LDB2: variants seen among roughly 807,000 people sequenced by gnomAD.
LDB2 encodes LIM domain-binding protein 2.
In LDB2, 12 loss-of-function variants were observed where a neutral mutation model predicts 44.3. That is an observed-to-expected ratio of 0.27 (90% CI 0.17 to 0.44). The LOEUF is 0.44. Among genes scored for constraint, LDB2 ranks in the 20% least tolerant of loss-of-function variants. The pLI, the probability that LDB2 is intolerant of heterozygous loss-of-function variation, is 1.00. For synonymous variants in LDB2, 164 were observed against 174.8 expected (o/e 0.94, Z 0.49); for missense variants, 344 against 473.5 (o/e 0.73, Z 2.54).
intron 1 of LDB2, among the ~76,000 whole-genome samples, chr4:16,817,478 G>C (rs1295397395): frequency 6.6e-6 from 1 of 152,102 alleles, no homozygotes; most frequent in African/African-American, 2.4e-5. Flanking sequence ...TCATTCCTAA[G>C]GCCAGTTTGA....
intron 1 of LDB2, among the ~76,000 whole-genome samples, chr4:16,789,650 C>T (rs916851023): frequency 2.6e-4 from 39 of 152,322 alleles, no homozygotes; most frequent in African/African-American, 9.4e-4. Flanking sequence ...CCCTATATGG[C>T]CAGGTGCAGT....
intron 1 of LDB2, among the ~76,000 whole-genome samples, chr4:16,810,543 G>A (rs1346530869): frequency 6.6e-6 from 1 of 151,532 alleles, no homozygotes; most frequent in Admixed American, 6.6e-5. Flanking sequence ...TTAGAAAGAT[G>A]AACAGCTATC....
intron 1 of LDB2, among the ~76,000 whole-genome samples, chr4:16,860,418 C>T (rs1390737972): frequency 6.6e-6 from 1 of 152,180 alleles, no homozygotes; most frequent in African/African-American, 2.4e-5. Flanking sequence ...GTGCAATCTT[C>T]TCAGGTTATC....
intron 5 of LDB2, among the ~76,000 whole-genome samples, chr4:16,534,905 C>T (rs1731259952): frequency 2.6e-5 from 4 of 152,148 alleles, no homozygotes; most frequent in Non-Finnish European, 4.4e-5. Flanking sequence ...CATGGCCACC[C>T]CATCCTAGTG....
At chr4:16,666,193 C>T (rs759791794) in intron 2 of LDB2, among the ~76,000 whole-genome samples, 41 of 152,196 alleles carry the variant, frequency 2.7e-4, no homozygotes, top group Non-Finnish European at 5.9e-4. Flanking sequence ...CACAATAGGG[C>T]TGTGTTTTAT....
intron 1 of LDB2, among the ~76,000 whole-genome samples, chr4:16,763,432 A>C (rs1483758575): frequency 8.1e-6 from 1 of 123,772 alleles, no homozygotes; most frequent in African/African-American, 3.2e-5. Context: ...CCCCATATGT[A>C]AACACGTACA....
At chr4:16,638,677 T>C (rs574330713) in intron 2 of LDB2, among the ~76,000 whole-genome samples, 1 of 152,234 alleles carries the variant, frequency 6.6e-6, no homozygotes, top group East Asian at 1.9e-4. Flanking sequence ...CATTGATGTA[T>C]TCATTCAGCA....
At chr4:16,653,091 G>A (rs561642795) in intron 2 of LDB2, among the ~76,000 whole-genome samples, 1 of 152,320 alleles carries the variant, frequency 6.6e-6, no homozygotes, top group East Asian at 1.9e-4. Flanking sequence ...GAAGTTAACT[G>A]TTGTGAGTGG....
At chr4:16,756,087 A>G (rs977296191) in intron 2 of LDB2, among the ~76,000 whole-genome samples, 1 of 152,188 alleles carries the variant, frequency 6.6e-6, no homozygotes. Context: ...AAGGAACAAT[A>G]TATCACCCAG....
At chr4:16,836,092 C>T (rs1479019686) in intron 1 of LDB2, among the ~76,000 whole-genome samples, 1 of 152,214 alleles carries the variant, frequency 6.6e-6, no homozygotes, top group Non-Finnish European at 1.5e-5. Context: ...CTGTCCATTA[C>T]TTCACTGTAA....
At chr4:16,771,822 C>T (rs765780070) in intron 1 of LDB2, among the ~76,000 whole-genome samples, 1 of 152,156 alleles carries the variant, frequency 6.6e-6, no homozygotes, top group East Asian at 1.9e-4. Context: ...CATCTCTCAG[C>T]CCCCACTCCT....
chr4:16,676,694 G>A (rs1162047129), intron 2 of LDB2, among the ~76,000 whole-genome samples: 7 of 152,312 alleles, frequency 4.6e-5, no homozygotes, highest in Non-Finnish European at 7.3e-5. Context: ...AATGAGACAC[G>A]TTTCAAGGGT....
intron 1 of LDB2, among the ~76,000 whole-genome samples, chr4:16,883,285 C>A (rs185310171): frequency 2.6e-5 from 4 of 152,176 alleles, no homozygotes; most frequent in South Asian, 2.1e-4. Flanking sequence ...TAACTGGGAT[C>A]GTAGACTGCG....
At chr4:16,695,183 G>T (rs1751816017) in intron 2 of LDB2, among the ~76,000 whole-genome samples, 1 of 152,122 alleles carries the variant, frequency 6.6e-6, no homozygotes, top group Non-Finnish European at 1.5e-5. Context: ...TGTTTTTCTA[G>T]GTACGGTACC....
At position 16,502,538 on chromosome 4, in the gene LDB2, A is replaced by T; in HGVS notation, c.*105T>A. ...TTGTGGTTTAGAAATAGATATTTGC[A>T]TGGAAAAGTTTTTATCTCTTCTGTT... On this transcript the variant is annotated 3_prime_UTR_variant, in exon 8 of 8. Coordinates refer to ENST00000304523, the MANE Select transcript of LDB2 (RefSeq NM_001290.5). 1 of 1,408,512 alleles carries T rather than the reference A, an allele frequency of 7.1e-7. No individual in the cohort carries two copies. The highest frequency in any genetic ancestry group is 9.8e-7 in the Non-Finnish European group (1 of 1,019,886). 87.3% of individuals were successfully genotyped at this position (1,408,512 alleles called of 1,614,324 possible).
At chr4:16,640,915 A>G (rs959445790) in intron 2 of LDB2, among the ~76,000 whole-genome samples, 2 of 152,252 alleles carry the variant, frequency 1.3e-5, no homozygotes, top group African/African-American at 2.4e-5. Context: ...AACAATTTCA[A>G]GACAATTTTG....
At chr4:16,576,247 T>G in intron 5 of LDB2, among the ~76,000 whole-genome samples, 1 of 151,578 alleles carries the variant, frequency 6.6e-6, no homozygotes. Context: ...AGAGCAGGAA[T>G]CAATGAAATT....
intron 1 of LDB2, among the ~76,000 whole-genome samples, chr4:16,810,561 TAAAA>T (rs1779645639): frequency 2.0e-5 from 3 of 151,006 alleles, no homozygotes; most frequent in African/African-American, 7.3e-5. Flanking sequence ...ATCAAATCAG[TAAAA>T]GGTTTTCAGA....
At chr4:16,613,300 A>G (rs147819773) in intron 2 of LDB2, among the ~76,000 whole-genome samples, 3 of 152,370 alleles carry the variant, frequency 2.0e-5, no homozygotes, top group Non-Finnish European at 4.4e-5. Flanking sequence ...GAAAACCGGT[A>G]CAAGACAAGG....
Sources: gnomAD v4.1 joint callset for allele counts (sites outside exome capture counted in the v4.1 genomes callset) on GRCh38, gnomAD v4.1.1 for gene constraint, MANE v1.5 for transcripts, NCBI Gene and HGNC (gene_info 2026-07-23, HGNC 2026-07-21) for gene names.